MYO3A: variants seen among roughly 807,000 people sequenced by gnomAD.
MYO3A encodes myosin IIIA.
In MYO3A, 180 loss-of-function variants were observed where a neutral mutation model predicts 192.7. That is an observed-to-expected ratio of 0.93 (90% confidence interval 0.83 to 1.06). MYO3A has a LOEUF of 1.06. Among genes scored for constraint, MYO3A ranks in the 50% least tolerant of loss-of-function variants. The pLI is 0.00. For missense variants in MYO3A, 1,896 were observed against 1,905.0 expected, an observed-to-expected ratio of 1.00 and a Z score of 0.09; for synonymous variants, 628 against 645.3, an observed-to-expected ratio of 0.97 and a Z score of 0.41.
Position 26,120,768 on chromosome 10 carries a change from G to T in MYO3A, c.1869G>T (p.Lys623Asn), listed in dbSNP as rs754562049. Residue 623 changes from lysine (K) to asparagine (N), a missense_variant, in exon 18 of 35, where the codon AAG becomes AAT. By Grantham distance (94) the Lys-to-Asn change is moderately conservative. Coordinates refer to ENST00000642920, the MANE Select transcript of MYO3A (RefSeq NM_017433.5). Reference sequence around the variant, plus strand: ...TGGCAACTGAACACCAGATTGACAAGAGCCACATTTCTAATCATACAGCCC... The same window carrying T: ...TGGCAACTGAACACCAGATTGACAATAGCCACATTTCTAATCATACAGCCC... ...SSVATEHQIDKSHISNHTALE... is the reference protein window; with the variant it reads ...SSVATEHQIDNSHISNHTALE... The T allele has an allele frequency of 6.2e-7, 1 of 1,614,066 alleles. No homozygotes were observed. Among genetic ancestry groups the T allele is most frequent in the Non-Finnish European group, 8.5e-7 (1 of 1,179,990 alleles).
At chr10:25,947,389 CTTTTTTTT>C (rs869281200) in intron 2 of MYO3A, among the ~76,000 whole-genome samples, 20 of 91,866 alleles carry the variant, frequency 2.2e-4, no homozygotes, top group East Asian at 3.3e-4. Context: ...TTTTCTTTTT[CTTTTTTTT>C]TTTTTTTTTT....
intron 7 of MYO3A, among the ~76,000 whole-genome samples, chr10:26,020,361 G>T (rs1842239268): frequency 6.6e-6 from 1 of 152,186 alleles, no homozygotes; most frequent in Non-Finnish European, 1.5e-5. Context: ...TATTAATAAA[G>T]ATTTATTTAT....
At chr10:26,155,663 T>A (rs896430871) in intron 25 of MYO3A, among the ~76,000 whole-genome samples, 2 of 152,224 alleles carry the variant, frequency 1.3e-5, no homozygotes, top group Admixed American at 1.3e-4. Context: ...ATTTTTTAAG[T>A]CCGAAGCTCA....
intron 10 of MYO3A, among the ~76,000 whole-genome samples, chr10:26,041,825 ATTGG>A (rs1588844144): frequency 6.6e-6 from 1 of 151,906 alleles, no homozygotes; most frequent in Non-Finnish European, 1.5e-5. Context: ...ATTGTTTTTG[ATTGG>A]TTCATCTTTT....
rs144482734 is a variant in MYO3A at position 25,952,413 on chromosome 10, G to C, written c.168+135G>C. 6.5e-6 allele frequency: 7 copies of C among 1,072,834 alleles called. No homozygotes were observed. In the African/African-American group the frequency reaches 1.1e-4, roughly 17 times the overall value. The allele number at this position is 1,072,834 out of a possible 1,614,324, so 66.5% of individuals were successfully genotyped here. ...TTACAATTTGAAGATAAATGTAAAA[G>C]AGAAGTCTACTTATTTGCTTTTCCA... On this transcript the variant is annotated intron_variant, in intron 3 of 34. Transcript: ENST00000642920.
chr10:26,096,733 A>G (rs905064400), intron 17 of MYO3A, 51 bp downstream of exon 17: 6 of 1,261,798 alleles, frequency 4.8e-6, no homozygotes, highest in Non-Finnish European at 7.0e-6. Flanking sequence ...TTTTATCATC[A>G]CTAATGTTAA....
intron 20 of MYO3A, among the ~76,000 whole-genome samples, chr10:26,132,454 C>G (rs1005588423): frequency 6.6e-6 from 1 of 152,130 alleles, no homozygotes; most frequent in Admixed American, 6.6e-5. Context: ...GAGTACATAC[C>G]AAGGACTGGT....
chr10:26,080,626 C>T (rs1682189410), intron 14 of MYO3A, among the ~76,000 whole-genome samples: 1 of 150,226 alleles, frequency 6.7e-6, no homozygotes, highest in South Asian at 2.1e-4. Context: ...GTTGAAGAGC[C>T]TTGTTTTGTC....
At chr10:26,139,121 A>T (rs928075119) in intron 20 of MYO3A, among the ~76,000 whole-genome samples, 13 of 152,240 alleles carry the variant, frequency 8.5e-5, no homozygotes, top group African/African-American at 3.1e-4. Context: ...AGTATGTAGT[A>T]TGTGCTAAGC....
At chr10:26,126,099 C>G (rs1839200857) in intron 19 of MYO3A, among the ~76,000 whole-genome samples, 1 of 152,118 alleles carries the variant, frequency 6.6e-6, no homozygotes, top group Non-Finnish European at 1.5e-5. Flanking sequence ...CAGAAATGCA[C>G]TAGATAAATG....
At chr10:26,135,148 A>G (rs1262234579) in intron 20 of MYO3A, among the ~76,000 whole-genome samples, 3 of 152,194 alleles carry the variant, frequency 2.0e-5, no homozygotes, top group African/African-American at 7.2e-5. Flanking sequence ...AACCAGGACC[A>G]GAGTAAAGGG....
intron 23 of MYO3A, among the ~76,000 whole-genome samples, chr10:26,152,661 T>C (rs996364859): frequency 3.3e-5 from 5 of 152,250 alleles, no homozygotes; most frequent in Non-Finnish European, 5.9e-5. Flanking sequence ...TTAGTTCCCG[T>C]TGATCTACAT....
intron 20 of MYO3A, among the ~76,000 whole-genome samples, chr10:26,135,684 C>T (rs142932812): frequency 2.4e-4 from 37 of 152,156 alleles, no homozygotes; most frequent in Non-Finnish European, 4.9e-4. Flanking sequence ...TCCTAAAGAA[C>T]AGAAACTCGA....
chr10:25,958,849 A>C (rs938027647), intron 4 of MYO3A, among the ~76,000 whole-genome samples: 1 of 152,066 alleles, frequency 6.6e-6, no homozygotes, highest in African/African-American at 2.4e-5. Context: ...ATTTTGTGGC[A>C]ATTTTAAATG....
intron 26 of MYO3A, among the ~76,000 whole-genome samples, chr10:26,162,973 G>A (rs12258401): frequency 0.32 from 48,967 of 152,214 alleles, 8,135 homozygotes; most frequent in South Asian, 0.44. Flanking sequence ...ACTAGGAGTG[G>A]GATGAAAGGG....
chr10:26,094,420 C>CTTTT (rs965507109), intron 15 of MYO3A, among the ~76,000 whole-genome samples: 87 of 101,288 alleles, frequency 8.6e-4, no homozygotes, highest in Non-Finnish European at 1.1e-3. Flanking sequence ...TGAATAATTT[C>CTTTT]TTTTTTTTTT....
chr10:25,939,543 C>T (rs1836337388), intron 2 of MYO3A, among the ~76,000 whole-genome samples: 1 of 151,692 alleles, frequency 6.6e-6, no homozygotes. Flanking sequence ...TTAAAATGTT[C>T]ATTATGTTTA....
At chr10:26,002,426 C>T (rs931221743) in intron 6 of MYO3A, among the ~76,000 whole-genome samples, 1 of 152,226 alleles carries the variant, frequency 6.6e-6, no homozygotes, top group African/African-American at 2.4e-5. Context: ...GGGTTCTTAT[C>T]ACTGATGCAC....
At chr10:26,163,512 G>A (rs765482967) in intron 26 of MYO3A, among the ~76,000 whole-genome samples, 1 of 152,176 alleles carries the variant, frequency 6.6e-6, no homozygotes, top group Non-Finnish European at 1.5e-5. Flanking sequence ...CAGGCATAGC[G>A]AGAAACAAAT....
Sources: gnomAD v4.1 joint callset for allele counts (sites outside exome capture counted in the v4.1 genomes callset) on GRCh38, gnomAD v4.1.1 for gene constraint, MANE v1.5 for transcripts, NCBI Gene and HGNC (gene_info 2026-07-23, HGNC 2026-07-21) for gene names.